Variants in DSE observed in about 807,000 individuals in gnomAD.
DSE encodes dermatan sulfate epimerase.
DSE carries 36 observed loss-of-function variants against 84.4 expected under a neutral mutation model. The ratio of observed to expected loss-of-function variants is 0.43; its 90% confidence interval spans 0.33 to 0.56. DSE has a LOEUF of 0.56. DSE is among the 20% of genes least tolerant of loss of function. DSE has a pLI of 0.06. For missense variants in DSE, 862 were observed against 1,169.6 expected (o/e 0.74, Z 3.84); for synonymous variants, 410 against 430.1 (o/e 0.95, Z 0.58).
At chr6:116,258,527 G>A (rs1262209279) in exon 2 of DSE, 3 of 1,321,048 alleles carry the variant, frequency 2.3e-6, no homozygotes, top group Non-Finnish European at 3.3e-6. Context: ...CTCCAAGAAG[G>A]CCACACGTCC....
chr6:116,399,111 A>G (rs1202183556), intron 1 of DSE, 87 bp from the exon 2 acceptor site: 4 of 1,054,916 alleles, frequency 3.8e-6, no homozygotes, highest in African/African-American at 1.6e-5. Flanking sequence ...TTATTTTCAC[A>G]TATGGTTTCT....
chr6:116,278,878 C>A, intron 2 of DSE: 1 of 1,614,160 alleles, frequency 6.2e-7, no homozygotes. Flanking sequence ...GAACTTGCAA[C>A]CGGTTCTAGG....
intron 2 of DSE, among the ~76,000 whole-genome samples, chr6:116,357,993 A>C (rs1778671707): frequency 1.3e-5 from 2 of 152,234 alleles, no homozygotes; most frequent in Admixed American, 1.3e-4. Context: ...TCCCTAGGCA[A>C]ATAAGAGTAT....
At chr6:116,383,994 T>G (rs1780421021) in intron 1 of DSE, among the ~76,000 whole-genome samples, 1 of 151,802 alleles carries the variant, frequency 6.6e-6, no homozygotes, top group South Asian at 2.1e-4. Context: ...TTACAGAGTA[T>G]TCTTTTGAAT....
chr6:116,380,612 T>C (rs751768266), intron 1 of DSE, among the ~76,000 whole-genome samples: 1 of 152,190 alleles, frequency 6.6e-6, no homozygotes, highest in Admixed American at 6.5e-5. Context: ...AATTCACTTA[T>C]CTCCATTGAT....
chr6:116,415,236 A>G (rs898683866), intron 2 of DSE, among the ~76,000 whole-genome samples: 3 of 152,174 alleles, frequency 2.0e-5, no homozygotes, highest in Admixed American at 1.3e-4. Flanking sequence ...TATAGTCTGG[A>G]AATTGTCTCT....
At chr6:116,332,442 A>T (rs1435146395) in intron 2 of DSE, among the ~76,000 whole-genome samples, 2 of 151,972 alleles carry the variant, frequency 1.3e-5, no homozygotes, top group Admixed American at 1.3e-4. Context: ...TCTTTAAAAT[A>T]TGAAAAAAAA....
chr6:116,327,369 G>A (rs995332000), intron 2 of DSE, among the ~76,000 whole-genome samples: 11 of 152,192 alleles, frequency 7.2e-5, no homozygotes, highest in Non-Finnish European at 8.8e-5. Context: ...TGAACAGTAA[G>A]TAAAGGAAGT....
intron 2 of DSE, among the ~76,000 whole-genome samples, chr6:116,302,098 G>A (rs1775075260): frequency 2.6e-5 from 4 of 152,094 alleles, no homozygotes; most frequent in South Asian, 2.1e-4. Context: ...ATAAACATAC[G>A]AGTCCATGTG....
At chr6:116,290,170 T>C (rs933306055) in intron 2 of DSE, among the ~76,000 whole-genome samples, 2 of 152,078 alleles carry the variant, frequency 1.3e-5, no homozygotes, top group South Asian at 2.1e-4. Context: ...CTTTGTACTA[T>C]GCCATGTTGC....
chr6:116,362,433 C>T (rs1326446512), intron 2 of DSE, among the ~76,000 whole-genome samples: 1 of 152,090 alleles, frequency 6.6e-6, no homozygotes, highest in African/African-American at 2.4e-5. Context: ...GGAAATAGAG[C>T]TTTTAGGATT....
rs988703380 is a variant in DSE at position 116,438,369 on chromosome 6, G to A, written c.*1024G>A. On this transcript the variant is annotated 3_prime_UTR_variant, in exon 6 of 6. Coordinates refer to ENST00000644252, the MANE Select transcript of DSE (RefSeq NM_013352.4). ...TTTGAAGAGAGATCTTTATTTGGAC[G>A]TGTATTCATTAAATATATAAAGTAG... The A allele has an allele frequency of 5.9e-5, 9 of 152,174 alleles. No homozygotes were observed. The highest frequency in any genetic ancestry group is 1.2e-4 in the Non-Finnish European group (8 of 67,932). The allele number at this position is 152,174 out of a possible 1,614,324, so 9.4% of individuals were successfully genotyped here. A position where few individuals can be genotyped will look rare whatever the true frequency, so the allele number is the denominator to read the frequency against.
chr6:116,288,275 G>A (rs1307958927), intron 2 of DSE: 5 of 152,014 alleles, frequency 3.3e-5, no homozygotes, highest in Admixed American at 3.3e-4. Context: ...TATATAAAGT[G>A]TACTATAAGC....
At chr6:116,256,429 G>C (rs1250105041) in intron 1 of DSE, 1 of 152,140 alleles carries the variant, frequency 6.6e-6, no homozygotes, top group African/African-American at 2.4e-5. Context: ...AAGCATTTTT[G>C]TATCTAAACA....
chr6:116,425,324 A>G (rs1033019637), intron 2 of DSE, among the ~76,000 whole-genome samples: 2 of 152,240 alleles, frequency 1.3e-5, no homozygotes, highest in Non-Finnish European at 2.9e-5. Context: ...GGTTCATGGC[A>G]TAGAAATGTT....
chr6:116,383,597 C>T (rs1198606805), intron 1 of DSE, among the ~76,000 whole-genome samples: 2 of 152,146 alleles, frequency 1.3e-5, no homozygotes, highest in African/African-American at 2.4e-5. Flanking sequence ...TTCAGGCCCT[C>T]GGAGTTTTTA....
chr6:116,436,496 C>G lies in DSE; in HGVS notation c.2028C>G (p.Val676=). Residue 676 remains valine, a synonymous_variant, in exon 6 of 6, where the codon GTC becomes GTG. Coordinates refer to ENST00000644252, the MANE Select transcript of DSE (RefSeq NM_013352.4). ...GPSIDVQSFT[V]HGDSQQLDVF... ...CTATAGATGTTCAGAGCTTCACTGT[C>G]CACGGAGACTCTCAGCAACTGGATG... is the stretch of plus-strand genomic sequence containing the variant. The G allele has an allele frequency of 6.2e-7, 1 of 1,614,144 alleles. No homozygotes were observed. The highest frequency in any genetic ancestry group is 8.5e-7 in the Non-Finnish European group (1 of 1,179,994).
chr6:116,330,209 T>C (rs146553209), intron 2 of DSE, among the ~76,000 whole-genome samples: 143 of 152,372 alleles, frequency 9.4e-4, no homozygotes, highest in African/African-American at 3.1e-3. Context: ...ATTATTAGCA[T>C]GATTACATAG....
chr6:116,401,923 TA>T (rs35815516), intron 2 of DSE, among the ~76,000 whole-genome samples: 74 of 148,252 alleles, frequency 5.0e-4, no homozygotes, highest in East Asian at 1.4e-3. Flanking sequence ...ATTATGAAAG[TA>T]AAAAAAAAAA....
Sources: gnomAD v4.1 joint callset for allele counts (sites outside exome capture counted in the v4.1 genomes callset) on GRCh38, gnomAD v4.1.1 for gene constraint, MANE v1.5 for transcripts, NCBI Gene and HGNC (gene_info 2026-07-23, HGNC 2026-07-21) for gene names.